TULP4: variants seen among roughly 807,000 people sequenced by gnomAD.
TULP4 encodes the protein TUB like protein 4.
TULP4 carries 16 observed loss-of-function variants against 129.0 expected under a neutral mutation model. The ratio of observed to expected loss-of-function variants is 0.12; its 90% CI spans 0.08 to 0.19. The LOEUF (loss-of-function observed/expected upper bound fraction) is 0.19, where lower values mean the gene tolerates loss of function less well. Ranked by LOEUF, TULP4 falls within the 10% of genes least tolerant of loss-of-function variation. The probability of loss-of-function intolerance (pLI) is 1.00; values close to 1 mark genes in which losing one functional copy is unlikely to be tolerated. For missense variants in TULP4, 1,842 were observed against 2,059.1 expected (o/e 0.89, Z 2.04); for synonymous variants, 998 against 854.0 (o/e 1.17, Z -2.94).
chr6:158,348,548 C>T (rs574256900), intron 1 of TULP4, among the ~76,000 whole-genome samples: 4 of 152,314 alleles, frequency 2.6e-5, no homozygotes, highest in Admixed American at 2.0e-4. Flanking sequence ...TGGTACAGAA[C>T]AAAATGGAGT....
chr6:158,431,088 G>A (rs1306268568), intron 3 of TULP4, among the ~76,000 whole-genome samples: 2 of 152,000 alleles, frequency 1.3e-5, no homozygotes, highest in African/African-American at 4.8e-5. Context: ...TTTCCCCAGA[G>A]GCTTCCAATT....
intron 1 of TULP4, among the ~76,000 whole-genome samples, chr6:158,319,038 G>C (rs1779561875): frequency 6.6e-6 from 1 of 151,844 alleles, no homozygotes; most frequent in African/African-American, 2.4e-5. Flanking sequence ...GAGCCACTGT[G>C]CCCAGCTCAC....
chr6:158,340,736 C>T (rs944548080), intron 1 of TULP4, among the ~76,000 whole-genome samples: 2 of 152,194 alleles, frequency 1.3e-5, no homozygotes, highest in Non-Finnish European at 2.9e-5. Context: ...GAGAGTCCTT[C>T]GCAGGCCCTC....
At chr6:158,382,044 T>C (rs1228604712) in intron 1 of TULP4, among the ~76,000 whole-genome samples, 1 of 152,176 alleles carries the variant, frequency 6.6e-6, no homozygotes, top group Non-Finnish European at 1.5e-5. Context: ...TGTTGACCTG[T>C]TTCTAGAAAA....
intron 1 of TULP4, among the ~76,000 whole-genome samples, chr6:158,363,953 C>T (rs577108180): frequency 6.6e-6 from 1 of 152,010 alleles, no homozygotes; most frequent in African/African-American, 2.4e-5. Flanking sequence ...AAACCAAAGA[C>T]AATTATGAAT....
intron 1 of TULP4, among the ~76,000 whole-genome samples, chr6:158,300,139 A>G (rs920725488): frequency 4.6e-5 from 7 of 152,242 alleles, no homozygotes; most frequent in African/African-American, 1.4e-4. Context: ...TCTCTTCCCT[A>G]TGGTTTTTAT....
At chr6:158,287,423 T>G (rs827859) in intron 1 of TULP4, among the ~76,000 whole-genome samples, 20,252 of 152,232 alleles carry the variant, frequency 0.13, 1,707 homozygotes, top group African/African-American at 0.23. Flanking sequence ...ATAAAAGCAC[T>G]TTTATTCAAC....
Position 158,274,866 on chromosome 6 carries a change from G to A in TULP4, n.69-37185G>A, listed in dbSNP as rs570849008. Reference sequence around the variant, plus strand: ...AGCCCCTTTCTGTTGCCTACAGGCCGCTCCTAAGCAAACCCCCAACGTCCT... The same window carrying A: ...AGCCCCTTTCTGTTGCCTACAGGCCACTCCTAAGCAAACCCCCAACGTCCT... On this transcript the variant is annotated intron_variant and non_coding_transcript_variant, in intron 1 of 1. Transcript: ENST00000620026. 9.2e-5 allele frequency among the ~76,000 whole-genome samples: 14 copies of A among 152,260 alleles called. No individual in the cohort carries two copies. The East Asian group carries it at 1.4e-3, about 15-fold the overall frequency.
chr6:158,352,944 C>T (rs1264234612), intron 1 of TULP4, among the ~76,000 whole-genome samples: 4 of 152,282 alleles, frequency 2.6e-5, no homozygotes, highest in African/African-American at 7.2e-5. Flanking sequence ...TTTTTGCTCT[C>T]AAAATATTCT....
At chr6:158,306,947 C>T (rs747227356) in intron 1 of TULP4, among the ~76,000 whole-genome samples, 4 of 152,074 alleles carry the variant, frequency 2.6e-5, no homozygotes, top group East Asian at 1.9e-4. Context: ...TTTGAGCCCA[C>T]GAATTTGAGG....
At chr6:158,482,419 G>A (rs1779969120) in intron 8 of TULP4, among the ~76,000 whole-genome samples, 1 of 152,184 alleles carries the variant, frequency 6.6e-6, no homozygotes, top group African/African-American at 2.4e-5. Flanking sequence ...TTAGATATTA[G>A]TCCGTTTTTT....
intron 1 of TULP4, among the ~76,000 whole-genome samples, chr6:158,271,467 T>C (rs1283351028): frequency 6.6e-6 from 1 of 151,582 alleles, no homozygotes; most frequent in Non-Finnish European, 1.5e-5. Context: ...AGGTTCTTGC[T>C]CTGCCACCCA....
intron 1 of TULP4, among the ~76,000 whole-genome samples, chr6:158,247,220 A>G (rs541451114): frequency 1.3e-5 from 2 of 152,324 alleles, no homozygotes; most frequent in African/African-American, 4.8e-5. Flanking sequence ...TAATGGGCAT[A>G]TTAGATCCCC....
At chr6:158,332,584 A>G (rs1364612541) in intron 1 of TULP4, among the ~76,000 whole-genome samples, 1 of 152,124 alleles carries the variant, frequency 6.6e-6, no homozygotes, top group Non-Finnish European at 1.5e-5. Context: ...CCCTCAGGCC[A>G]TTGGCAGCTG....
intron 3 of TULP4, among the ~76,000 whole-genome samples, chr6:158,434,779 T>C (rs574186124): frequency 2.0e-5 from 3 of 152,086 alleles, no homozygotes; most frequent in Admixed American, 2.0e-4. Context: ...CTGAGTGTGG[T>C]CCTCCTAGGG....
chr6:158,490,343 G>A (rs937289651), intron 9 of TULP4, among the ~76,000 whole-genome samples: 5 of 152,172 alleles, frequency 3.3e-5, no homozygotes, highest in Non-Finnish European at 7.3e-5. Flanking sequence ...TTGCAGAGCC[G>A]AGATTGTGCC....
At chr6:158,287,942 A>G (rs1473934593) in intron 1 of TULP4, among the ~76,000 whole-genome samples, 1 of 152,284 alleles carries the variant, frequency 6.6e-6, no homozygotes, top group East Asian at 1.9e-4. Flanking sequence ...GGCAAATGAT[A>G]CTATTGCAGC....
Position 158,493,250 on chromosome 6 carries a change from G to C in TULP4, c.1632-323G>C, listed in dbSNP as rs1780255206. 6.6e-6 allele frequency among the ~76,000 whole-genome samples: 1 copy of C among 152,182 alleles called. No homozygotes were observed. Among genetic ancestry groups the C allele is most frequent in the African/African-American group, 2.4e-5 (1 of 41,430 alleles). ...GCTCAAGTGGAGTTGTGTAATCGTA[G>C]CTCATTGCAGCCTTGAACTCCTGGG... On this transcript the variant is annotated intron_variant, in intron 9 of 13. Transcript: ENST00000367097. This position sits in a 1 kb window ranked among gnomAD's most constrained non-coding sequence, Gnocchi z 4.4.
At chr6:158,285,366 A>T (rs1778818633) in intron 1 of TULP4, among the ~76,000 whole-genome samples, 2 of 152,210 alleles carry the variant, frequency 1.3e-5, no homozygotes, top group South Asian at 4.1e-4. Flanking sequence ...TAATGAGGAA[A>T]CAAGAATATT....
Sources: gnomAD v4.1 joint callset for allele counts (sites outside exome capture counted in the v4.1 genomes callset) on GRCh38, gnomAD v4.1.1 for gene constraint, Gnocchi (gnomAD v3.1) non-coding constraint, MANE v1.5 for transcripts, NCBI Gene and HGNC (gene_info 2026-07-23, HGNC 2026-07-21) for gene names.